Variants in FSTL5 observed in about 807,000 individuals in gnomAD.
The protein encoded by FSTL5 is follistatin like 5, also known as follistatin-related protein 5.
FSTL5 carries 62 observed loss-of-function variants against 89.1 expected under a neutral mutation model. The observed-to-expected ratio is 0.70, with a 90% confidence interval of 0.57 to 0.86. The LOEUF (loss-of-function observed/expected upper bound fraction) is 0.86. Among genes scored for constraint, FSTL5 ranks in the 40% least tolerant of loss-of-function variants. The pLI, the probability that FSTL5 is intolerant of heterozygous loss-of-function variation, is 0.00. For synonymous variants in FSTL5, 383 were observed against 346.2 expected, an observed-to-expected ratio of 1.11 and a Z score of -1.18; for missense variants, 1,057 against 1,001.6, an observed-to-expected ratio of 1.06 and a Z score of -0.75.
At chr4:161,733,441 C>T (rs74764581) in intron 6 of FSTL5, among the ~76,000 whole-genome samples, 4,490 of 151,940 alleles carry the variant, frequency 0.03, 117 homozygotes, top group South Asian at 0.092. Flanking sequence ...CAAACAAAAA[C>T]ATTTTTGCTT....
chr4:161,780,498 A>C (rs1317340804), intron 4 of FSTL5, among the ~76,000 whole-genome samples: 1 of 152,204 alleles, frequency 6.6e-6, no homozygotes. Context: ...TCTAGACACA[A>C]AGAATATACT....
At chr4:161,507,749 T>G (rs980326569) in intron 11 of FSTL5, among the ~76,000 whole-genome samples, 5 of 151,888 alleles carry the variant, frequency 3.3e-5, no homozygotes, top group African/African-American at 1.2e-4. Context: ...TCAGTTAAAT[T>G]TATTTAGATT....
chr4:161,606,506 A>G (rs1734448916), intron 7 of FSTL5, among the ~76,000 whole-genome samples: 2 of 152,250 alleles, frequency 1.3e-5, no homozygotes, highest in Non-Finnish European at 1.5e-5. Context: ...CTGGGATTAC[A>G]GGCATGAGCC....
chr4:161,632,947 G>C (rs2126657932), intron 7 of FSTL5, among the ~76,000 whole-genome samples: 1 of 152,156 alleles, frequency 6.6e-6, no homozygotes, highest in East Asian at 1.9e-4. Flanking sequence ...AAAGATGTAT[G>C]TTTCATTTAA....
intron 8 of FSTL5, among the ~76,000 whole-genome samples, chr4:161,558,025 C>T (rs909490916): frequency 1.3e-5 from 2 of 151,742 alleles, no homozygotes; most frequent in African/African-American, 2.4e-5. Context: ...AACTCTTTTA[C>T]GTACATACCA....
chr4:161,657,537 A>C (rs762444273), intron 6 of FSTL5, among the ~76,000 whole-genome samples: 11 of 152,120 alleles, frequency 7.2e-5, no homozygotes, highest in Non-Finnish European at 1.6e-4. Context: ...TGGTGTCCTA[A>C]CTTGTAATAA....
intron 3 of FSTL5, among the ~76,000 whole-genome samples, chr4:161,966,037 G>T (rs1001018496): frequency 2.6e-5 from 4 of 152,074 alleles, no homozygotes; most frequent in Non-Finnish European, 4.4e-5. Context: ...TTTTGTGTGA[G>T]AATATCTGAG....
At chr4:161,561,498 T>C (rs1578926167) in intron 8 of FSTL5, among the ~76,000 whole-genome samples, 2 of 152,054 alleles carry the variant, frequency 1.3e-5, no homozygotes, top group Admixed American at 6.6e-5. Context: ...GGTTATTTTT[T>C]GGTTTGGTGA....
At chr4:161,969,413 C>A (rs938845083) in intron 3 of FSTL5, among the ~76,000 whole-genome samples, 5 of 152,048 alleles carry the variant, frequency 3.3e-5, no homozygotes, top group Admixed American at 6.6e-5. Flanking sequence ...AGCGATCTAT[C>A]TATAGAACCA....
At chr4:161,507,151 C>A (rs1050081880) in intron 11 of FSTL5, among the ~76,000 whole-genome samples, 1 of 151,964 alleles carries the variant, frequency 6.6e-6, no homozygotes, top group East Asian at 1.9e-4. Context: ...GAGATTGAAA[C>A]TAGCATATGT....
At chr4:161,943,947 C>A (rs1734667059) in intron 3 of FSTL5, among the ~76,000 whole-genome samples, 1 of 152,000 alleles carries the variant, frequency 6.6e-6, no homozygotes. Context: ...TTTCCACTGC[C>A]TTGAGTTGCT....
At chr4:161,676,475 G>A (rs554069159) in intron 6 of FSTL5, among the ~76,000 whole-genome samples, 41 of 152,082 alleles carry the variant, frequency 2.7e-4, no homozygotes, top group African/African-American at 9.6e-4. Flanking sequence ...GACACAGGGA[G>A]GGGAACATCA....
Position 162,074,176 on chromosome 4 carries a change from T to C in FSTL5, c.126+37095A>G, listed in dbSNP as rs1014978253. ...AGGACAGAAGTATTTTGCTCACCAC[T>C]TAGTAACTTATAGATTTATCATTTC... On this transcript the variant is annotated intron_variant, in intron 2 of 15. Coordinates refer to ENST00000306100, the MANE Select transcript of FSTL5 (RefSeq NM_020116.5). Among the ~76,000 whole-genome samples the C allele has an allele frequency of 1.2e-4, 18 of 151,808 alleles. 1 individual carries two copies. The highest frequency in any genetic ancestry group is 5.9e-5 in the Non-Finnish European group (4 of 67,850).
At chr4:161,701,272 AAAT>A (rs1384816437) in intron 6 of FSTL5, among the ~76,000 whole-genome samples, 5 of 152,190 alleles carry the variant, frequency 3.3e-5, no homozygotes, top group African/African-American at 1.2e-4. Flanking sequence ...AAGAAAGAAA[AAAT>A]AATAATATGT....
chr4:162,034,539 C>T lies in FSTL5; in HGVS notation c.127-881G>A, dbSNP rs550676298. On this transcript the variant is annotated intron_variant, in intron 2 of 15. Transcript: ENST00000306100. ...GTTTGACATTCTCCTTATTAGTTAC[C>T]GGGCAACCCCAAAAGAATTAGCTTG... is the stretch of plus-strand genomic sequence containing the variant. 1.8e-4 allele frequency among the ~76,000 whole-genome samples: 28 copies of T among 152,142 alleles called. 1 individual carries two copies. Among genetic ancestry groups the T allele is most frequent in the Middle Eastern group, 3.4e-3 (1 of 294 alleles).
intron 1 of FSTL5, among the ~76,000 whole-genome samples, chr4:162,112,053 A>G (rs1275146209): frequency 2.0e-5 from 3 of 152,210 alleles, no homozygotes; most frequent in African/African-American, 7.2e-5. Context: ...TTTGGATATA[A>G]ATAAGTTGTA....
chr4:161,712,424 G>C (rs943916578), intron 6 of FSTL5, among the ~76,000 whole-genome samples: 1 of 152,156 alleles, frequency 6.6e-6, no homozygotes, highest in African/African-American at 2.4e-5. Context: ...AACCCTCCCA[G>C]TAGTGACTCT....
At chr4:162,153,746 A>ATATATG (rs1292399922) in intron 1 of FSTL5, among the ~76,000 whole-genome samples, 31,731 of 87,138 alleles carry the variant, frequency 0.36, 6,643 homozygotes, top group Non-Finnish European at 0.45. Context: ...GTATATAATA[A>ATATATG]TATACATGTA....
chr4:161,964,296 C>T (rs918252889), intron 3 of FSTL5, among the ~76,000 whole-genome samples: 1 of 151,958 alleles, frequency 6.6e-6, no homozygotes, highest in Non-Finnish European at 1.5e-5. Flanking sequence ...CACTTCAGCT[C>T]GATGATACTG....
Sources: allele counts gnomAD v4.1 joint callset (sites outside exome capture counted in the v4.1 genomes callset), GRCh38; gene constraint gnomAD v4.1.1; transcripts MANE v1.5; gene names NCBI Gene and HGNC (gene_info 2026-07-23, HGNC 2026-07-21).